Variants in AGBL4 observed in about 807,000 individuals in gnomAD.
The protein encoded by AGBL4 is AGBL carboxypeptidase 4.
AGBL4 carries 58 observed loss-of-function variants against 66.4 expected under a neutral mutation model. The observed-to-expected ratio is 0.87, with a 90% CI of 0.71 to 1.09. The LOEUF is 1.09. AGBL4 is among the 50% of genes least tolerant of loss of function. The probability of loss-of-function intolerance (pLI) is 0.00; values close to 1 mark genes in which losing one functional copy is unlikely to be tolerated. For missense variants in AGBL4, 579 were observed against 631.0 expected, an observed-to-expected ratio of 0.92 and a Z score of 0.88; for synonymous variants, 234 against 222.9, an observed-to-expected ratio of 1.05 and a Z score of -0.44.
At chr1:49,649,726 T>C (rs531154576) in intron 3 of AGBL4, among the ~76,000 whole-genome samples, 38 of 152,192 alleles carry the variant, frequency 2.5e-4, no homozygotes, top group African/African-American at 2.4e-4. Context: ...TTAACCAAGA[T>C]AGACCTCATT....
intron 3 of AGBL4, among the ~76,000 whole-genome samples, chr1:49,329,941 G>A (rs1286909287): frequency 6.6e-6 from 1 of 152,164 alleles, no homozygotes; most frequent in Non-Finnish European, 1.5e-5. Context: ...CAGAGACTAT[G>A]ACTGCATCTG....
chr1:49,488,278 C>G (rs1647110925), intron 3 of AGBL4, among the ~76,000 whole-genome samples: 1 of 151,332 alleles, frequency 6.6e-6, no homozygotes, highest in Non-Finnish European at 1.5e-5. Flanking sequence ...GTTATATATT[C>G]TTTGTCCACA....
chr1:48,697,378 C>T (rs1646728863), intron 6 of AGBL4, among the ~76,000 whole-genome samples: 2 of 152,122 alleles, frequency 1.3e-5, no homozygotes, highest in African/African-American at 2.4e-5. Context: ...TTATGGAGCC[C>T]CTGCCAGGTG....
At chr1:49,963,124 G>A (rs537775248) in intron 1 of AGBL4, among the ~76,000 whole-genome samples, 15 of 152,154 alleles carry the variant, frequency 9.9e-5, no homozygotes, top group Non-Finnish European at 1.8e-4. Context: ...TTCTCAAAAT[G>A]TAAGTATGGG....
rs180957998 is a variant in AGBL4, at chr1:49,513,620, A to G, written c.282+183693T>C. 5.3e-5 allele frequency among the ~76,000 whole-genome samples: 8 copies of G among 152,078 alleles called. No individual in the cohort carries two copies. The East Asian group carries it at 1.5e-3, about 29-fold the overall frequency. On this transcript the variant is annotated intron_variant, in intron 3 of 13. Coordinates refer to ENST00000371839, the MANE Select transcript of AGBL4 (RefSeq NM_032785.4). ...ATTGTGAATGTTTTCTACTTTTACA[A>G]CTTTTCCTATGTTTATAGAAAGACC...
At chr1:48,828,998 T>A (rs1646491424) in intron 6 of AGBL4, among the ~76,000 whole-genome samples, 1 of 152,154 alleles carries the variant, frequency 6.6e-6, no homozygotes, top group South Asian at 2.1e-4. Context: ...TAAAGGGTTG[T>A]TGAGATAGAA....
chr1:49,426,903 G>T (rs907984304), intron 3 of AGBL4, among the ~76,000 whole-genome samples: 1 of 152,072 alleles, frequency 6.6e-6, no homozygotes, highest in Non-Finnish European at 1.5e-5. Context: ...CCAAGGAAAT[G>T]GCCCTAAGTT....
At chr1:48,755,661 T>A (rs184242923) in intron 6 of AGBL4, among the ~76,000 whole-genome samples, 1 of 152,240 alleles carries the variant, frequency 6.6e-6, no homozygotes, top group Non-Finnish European at 1.5e-5. Flanking sequence ...TGTTTATAGA[T>A]CAGGATCTGT....
chr1:48,929,582 T>C (rs1654870181), intron 5 of AGBL4, among the ~76,000 whole-genome samples: 1 of 152,218 alleles, frequency 6.6e-6, no homozygotes, highest in Non-Finnish European at 1.5e-5. Context: ...TATAACTATA[T>C]ATTCAATTAA....
intron 1 of AGBL4, among the ~76,000 whole-genome samples, chr1:49,914,603 C>T (rs1407996520): frequency 6.6e-6 from 1 of 152,212 alleles, no homozygotes; most frequent in Non-Finnish European, 1.5e-5. Context: ...TTCTAGCCTA[C>T]TCCTCCAAGT....
intron 6 of AGBL4, among the ~76,000 whole-genome samples, chr1:48,742,162 T>C (rs1276154821): frequency 6.6e-6 from 1 of 152,214 alleles, no homozygotes; most frequent in Non-Finnish European, 1.5e-5. Flanking sequence ...ATTCCTGTTA[T>C]CTAGCACAGG....
intron 5 of AGBL4, among the ~76,000 whole-genome samples, chr1:49,006,143 C>G (rs1031626326): frequency 1.3e-5 from 2 of 152,160 alleles, no homozygotes; most frequent in African/African-American, 4.8e-5. Context: ...GAGTGCCAGA[C>G]AGTGGGCGCA....
At chr1:49,058,851 G>A (rs1198039450) in intron 4 of AGBL4, among the ~76,000 whole-genome samples, 1 of 152,196 alleles carries the variant, frequency 6.6e-6, no homozygotes, top group African/African-American at 2.4e-5. Flanking sequence ...CAAAGAGACT[G>A]GTGGCATTTT....
intron 10 of AGBL4, among the ~76,000 whole-genome samples, chr1:48,589,813 T>C (rs1036489968): frequency 2.6e-5 from 4 of 152,206 alleles, no homozygotes; most frequent in African/African-American, 9.7e-5. Context: ...GAGAAAAGAA[T>C]GGTGGGCATA....
At chr1:49,045,859 G>T in intron 4 of AGBL4, 59 bp from the exon 5 acceptor site, 1 of 1,382,316 alleles carries the variant, frequency 7.2e-7, no homozygotes. Context: ...GCTTCAAAAG[G>T]TAATACATAT....
chr1:48,870,737 AT>A (rs1648571109), intron 5 of AGBL4, among the ~76,000 whole-genome samples: 1 of 152,162 alleles, frequency 6.6e-6, no homozygotes, highest in Non-Finnish European at 1.5e-5. Flanking sequence ...GTGGTGATAA[AT>A]TAACACTAAC....
chr1:49,027,970 C>A (rs1295779852), intron 5 of AGBL4, among the ~76,000 whole-genome samples: 1 of 152,164 alleles, frequency 6.6e-6, no homozygotes, highest in Admixed American at 6.5e-5. Flanking sequence ...AGTTCTAGGG[C>A]AGTGGCATAG....
intron 6 of AGBL4, among the ~76,000 whole-genome samples, chr1:48,857,018 A>G (rs540299402): frequency 4.6e-5 from 7 of 152,198 alleles, no homozygotes; most frequent in Non-Finnish European, 1.0e-4. Flanking sequence ...TTAGATTTGA[A>G]TCCTGATTCC....
At chr1:49,490,295 A>C (rs1647162531) in intron 3 of AGBL4, among the ~76,000 whole-genome samples, 1 of 151,744 alleles carries the variant, frequency 6.6e-6, no homozygotes, top group South Asian at 2.1e-4. Context: ...TTTGCTACTT[A>C]AATCTGTTAA....
Sources: allele counts gnomAD v4.1 joint callset (sites outside exome capture counted in the v4.1 genomes callset), GRCh38; gene constraint gnomAD v4.1.1; transcripts MANE v1.5; gene names NCBI Gene and HGNC (gene_info 2026-07-23, HGNC 2026-07-21).